FAM98B: variants seen among roughly 807,000 people sequenced by gnomAD.
The protein encoded by FAM98B is tRNA-splicing ligase complex subunit FAM98B.
In FAM98B, 32 loss-of-function variants were observed where a neutral mutation model predicts 43.9. The ratio of observed to expected loss-of-function variants is 0.73; its 90% CI spans 0.55 to 0.98. FAM98B has a LOEUF of 0.98. FAM98B is among the 50% of genes least tolerant of loss of function. FAM98B has a pLI of 0.00. For missense variants in FAM98B, 514 were observed against 522.9 expected (o/e 0.98, Z 0.17); for synonymous variants, 190 against 174.0 (o/e 1.09, Z -0.72).
At chr15:38,458,141 C>A (rs1889880059) in intron 1 of FAM98B, among the ~76,000 whole-genome samples, 1 of 152,168 alleles carries the variant, frequency 6.6e-6, no homozygotes, top group African/African-American at 2.4e-5. Context: ...ATGCCAGGCA[C>A]TTAGCTAGAG....
intron 1 of FAM98B, among the ~76,000 whole-genome samples, chr15:38,456,481 A>G (rs968263179): frequency 6.6e-5 from 10 of 152,256 alleles, no homozygotes; most frequent in Non-Finnish European, 1.0e-4. Flanking sequence ...AACACACTGT[A>G]TATTGGACCT....
intron 7 of FAM98B, chr15:38,482,909 A>AATTATAATTCCTTTATATTATATTAT (rs2141063084): frequency 6.6e-6 from 1 of 152,316 alleles, no homozygotes; most frequent in African/African-American, 2.4e-5. Flanking sequence ...ATAGTAAAGG[A>AATTATAATTCCTTTATATTATATTAT]ATTATATTAA....
intron 3 of FAM98B, 73 bp from the exon 4 acceptor site, chr15:38,470,154 G>C (rs1595800389): frequency 8.2e-7 from 1 of 1,220,802 alleles, no homozygotes; most frequent in Non-Finnish European, 1.1e-6. Context: ...TGTTTTAAGT[G>C]AATAATTTCA....
rs952000602 is a variant in FAM98B, at chr15:38,487,112, C to G, written c.*2453C>G. ...TTTCTGCCTAAAGTAGTCATCTTTC[C>G]TCTCGACCGTATAAAGAGCATGTAT... On this transcript the variant is annotated 3_prime_UTR_variant, in exon 8 of 8. Coordinates refer to ENST00000397609, the MANE Select transcript of FAM98B (RefSeq NM_173611.4). 2.0e-5 allele frequency: 3 copies of G among 151,930 alleles called. No individual in the cohort carries two copies. The highest frequency in any genetic ancestry group is 4.4e-5 in the Non-Finnish European group (3 of 67,932). 9.4% of individuals were successfully genotyped at this position (151,930 alleles called of 1,614,324 possible).
In FAM98B at chr15:38,484,348, G is replaced by C; in HGVS notation, c.991G>C (p.Gly331Arg). 6.5e-7 allele frequency: 1 copy of C among 1,538,182 alleles called. No individual in the cohort carries two copies. Among genetic ancestry groups the C allele is most frequent in the Non-Finnish European group, 8.7e-7 (1 of 1,143,176 alleles). Residue 331 changes from glycine (G) to arginine (R), a missense_variant, in exon 8 of 8, where the codon GGC becomes CGC. Coordinates refer to ENST00000397609, the MANE Select transcript of FAM98B (RefSeq NM_173611.4). Reference sequence around the variant, plus strand: ...GCCCCCTTGGCAAAAGAGACAAGAAGGCGGCGGTGGAAGGGGTGGTTGGGG... The same window carrying C: ...GCCCCCTTGGCAAAAGAGACAAGAACGCGGCGGTGGAAGGGGTGGTTGGGG... ...EMPPWQKRQE[G>R]GGGRGGWGGG...
intron 3 of FAM98B, among the ~76,000 whole-genome samples, chr15:38,467,614 T>C (rs1288880013): frequency 3.3e-4 from 50 of 152,228 alleles, no homozygotes; most frequent in Admixed American, 3.3e-3. Flanking sequence ...TAAAATTCAC[T>C]TGGCTTTTGG....
intron 3 of FAM98B, among the ~76,000 whole-genome samples, 159 bp downstream of exon 3, chr15:38,465,562 G>A (rs1036408546): frequency 6.6e-6 from 1 of 152,076 alleles, no homozygotes; most frequent in Non-Finnish European, 1.5e-5. Flanking sequence ...ATATAATATA[G>A]TATAAATTTT....
intron 3 of FAM98B, among the ~76,000 whole-genome samples, chr15:38,465,798 A>G (rs1890022216): frequency 6.6e-6 from 1 of 152,090 alleles, no homozygotes; most frequent in Non-Finnish European, 1.5e-5. Context: ...AACACCAAGA[A>G]CTGCTCTGGA....
At position 38,481,438 on chromosome 15, in the gene FAM98B, G is replaced by A; in HGVS notation, c.876G>A (p.Lys292=). The part of the protein sequence containing the change: ...IRTSSGTSRE[K]TACAINKVLM... ...CAAGTAGTGGCACCAGCCGGGAGAAGACCGCATGTGCCATTAATAAGGTTG... is the reference window on the plus strand; with the variant it reads ...CAAGTAGTGGCACCAGCCGGGAGAAAACCGCATGTGCCATTAATAAGGTTG... Residue 292 remains lysine, a synonymous_variant, in exon 7 of 8, where the codon AAG becomes AAA. Transcript: ENST00000397609. The A allele has an allele frequency of 1.2e-6, 2 of 1,614,186 alleles. No homozygotes were observed. Among genetic ancestry groups the A allele is most frequent in the Non-Finnish European group, 1.7e-6 (2 of 1,180,030 alleles).
intron 1 of FAM98B, among the ~76,000 whole-genome samples, chr15:38,460,271 A>G (rs988811628): frequency 6.6e-6 from 1 of 152,260 alleles, no homozygotes; most frequent in South Asian, 2.1e-4. Context: ...GCAGAATGGC[A>G]TTGGAAATCA....
At position 38,486,627 on chromosome 15, in the gene FAM98B, T is replaced by G. The variant is rs1890377012; in HGVS notation, c.*1968T>G. On this transcript the variant is annotated 3_prime_UTR_variant, in exon 8 of 8. Coordinates refer to ENST00000397609, the MANE Select transcript of FAM98B (RefSeq NM_173611.4). Reference sequence around the variant, plus strand: ...CAATCACTTATTTCCTATCAAAGTTTAGCACTTGCTCCTGGAATCGTGTTG... The same window carrying G: ...CAATCACTTATTTCCTATCAAAGTTGAGCACTTGCTCCTGGAATCGTGTTG... 6.6e-6 allele frequency: 1 copy of G among 152,322 alleles called. No individual in the cohort carries two copies. Among genetic ancestry groups the G allele is most frequent in the Middle Eastern group, 3.4e-3 (1 of 294 alleles). 9.4% of individuals were successfully genotyped at this position (152,322 alleles called of 1,614,324 possible). A position where few individuals can be genotyped will look rare whatever the true frequency, so the allele number is the denominator to read the frequency against.
intron 1 of FAM98B, among the ~76,000 whole-genome samples, chr15:38,455,964 G>GA (rs1227957068): frequency 3.9e-5 from 6 of 152,182 alleles, no homozygotes; most frequent in Non-Finnish European, 4.4e-5. Context: ...AATACGATGT[G>GA]AAAAAAGTAG....
At chr15:38,474,645 C>T (rs575708600) in intron 6 of FAM98B, among the ~76,000 whole-genome samples, 2 of 152,234 alleles carry the variant, frequency 1.3e-5, no homozygotes, top group South Asian at 4.1e-4. Flanking sequence ...AGTACTGATG[C>T]CAACAGGCCT....
chr15:38,464,226 A>T, intron 2 of FAM98B, 49 bp downstream of exon 2: 2 of 1,520,554 alleles, frequency 1.3e-6, no homozygotes, highest in Non-Finnish European at 1.8e-6. Context: ...GTAAACTGAT[A>T]ACTTACGGTT....
rs145579299 is a variant in FAM98B at position 38,455,918 on chromosome 15, G to T, written c.71+1686G>T. ...AATTAGTTTTTCCTGGAATAACTATGAGGGCAACATTTTGAAGTTTGAATT... is the reference window on the plus strand; with the variant it reads ...AATTAGTTTTTCCTGGAATAACTATTAGGGCAACATTTTGAAGTTTGAATT... On this transcript the variant is annotated intron_variant, in intron 1 of 7. Transcript: ENST00000397609. Among the ~76,000 whole-genome samples the T allele has an allele frequency of 3.7e-4, 57 of 152,328 alleles. No homozygotes were observed. The East Asian group carries it at 7.5e-3, about 20-fold the overall frequency.
intron 1 of FAM98B, among the ~76,000 whole-genome samples, chr15:38,460,746 A>G (rs142150484): frequency 1.3e-5 from 2 of 152,324 alleles, no homozygotes; most frequent in African/African-American, 4.8e-5. Context: ...CTATGGAGGT[A>G]GGTTGTGTGG....
chr15:38,465,438 G>T, intron 3 of FAM98B, 35 bp downstream of exon 3: 1 of 1,516,516 alleles, frequency 6.6e-7, no homozygotes, highest in African/African-American at 1.4e-5. Context: ...GCATGTGTTT[G>T]ACATGGTTTT....
chr15:38,474,324 C>G (rs947410446), intron 6 of FAM98B, 26 bp downstream of exon 6: 6 of 1,511,572 alleles, frequency 4.0e-6, no homozygotes, highest in Non-Finnish European at 4.6e-6. Flanking sequence ...CATATGTGTC[C>G]TGTAGGTGGT....
chr15:38,472,485 T>G (rs1026413742), intron 4 of FAM98B, among the ~76,000 whole-genome samples: 1 of 152,046 alleles, frequency 6.6e-6, no homozygotes, highest in Non-Finnish European at 1.5e-5. Flanking sequence ...CTAAGCTAAT[T>G]TTTTTAAAAC....
Sources: gnomAD v4.1 joint callset for allele counts (sites outside exome capture counted in the v4.1 genomes callset) on GRCh38, gnomAD v4.1.1 for gene constraint, MANE v1.5 for transcripts, NCBI Gene and HGNC (gene_info 2026-07-23, HGNC 2026-07-21) for gene names.